Variants in SYN1 observed in about 807,000 individuals in gnomAD.
SYN1 encodes synapsin-1.
Under a neutral mutation model 44.6 loss-of-function variants are expected in SYN1, and 8 were observed. The observed-to-expected ratio is 0.18, with a 90% CI of 0.11 to 0.32. The LOEUF (loss-of-function observed/expected upper bound fraction) is 0.32, where lower values mean the gene tolerates loss of function less well. Ranked by LOEUF, SYN1 falls within the 10% of genes least tolerant of loss-of-function variation. The pLI is 1.00. For synonymous variants in SYN1, 275 were observed against 280.1 expected (o/e 0.98, Z 0.18); for missense variants, 451 against 639.4 (o/e 0.71, Z 3.18).
At chrX:47,582,558 G>A (rs772132753) in intron 5 of SYN1, 8 of 362,541 alleles carry the variant, frequency 2.2e-5, no homozygotes, top group South Asian at 2.0e-4. Context: ...GCACTCCCGT[G>A]CCAGATGCCT....
At chrX:47,577,343 A>C in intron 6 of SYN1, 96 bp downstream of exon 6, 1 of 941,964 alleles carries the variant, frequency 1.1e-6, no homozygotes, top group Non-Finnish European at 1.5e-6. Flanking sequence ...CCAACCTGAT[A>C]GATAACGACA....
chrX:47,597,922 T>A (rs920298670), intron 5 of SYN1, among the ~76,000 whole-genome samples: 6 of 112,378 alleles, frequency 5.3e-5, no homozygotes, highest in African/African-American at 1.6e-4. Context: ...ACAAGAATTC[T>A]ACATCCAGCA....
Position 47,585,624 on chromosome X carries a change from G to A in SYN1, c.775-8123C>T, listed in dbSNP as rs777619063. 18 of 1,111,562 alleles carry A rather than the reference G, an allele frequency of 1.6e-5. No individual in the cohort carries two copies. Among genetic ancestry groups the A allele is most frequent in the Non-Finnish European group, 2.1e-5 (18 of 841,654 alleles). The allele number at this position is 1,111,562 out of a possible 1,213,427, so 91.6% of individuals were successfully genotyped here. ...AACAGCCTGAGCTTAGCTCAGCGCC[G>A]GGGCTTCACCAAGACCTACACTGTT... On this transcript the variant is annotated intron_variant, in intron 5 of 12. Transcript: ENST00000295987.
chrX:47,577,296 A>G lies in SYN1; in HGVS notation c.837+143T>C. On this transcript the variant is annotated intron_variant, in intron 6 of 12. Coordinates refer to ENST00000295987, the MANE Select transcript of SYN1 (RefSeq NM_006950.3). ...TGGTGCAAAAGTAATTGTGGTTTTT[A>G]CCATAAGAACTGGCAAAACCCGCAA... is the stretch of plus-strand genomic sequence containing the variant. The G allele has an allele frequency of 5.0e-6, 3 of 605,221 alleles. No individual in the cohort carries two copies. In the South Asian group the frequency reaches 7.7e-5, roughly 16 times the overall value. 49.9% of individuals were successfully genotyped at this position (605,221 alleles called of 1,213,427 possible).
At chrX:47,610,610 G>A (rs1258308745) in intron 1 of SYN1, among the ~76,000 whole-genome samples, 1 of 110,180 alleles carries the variant, frequency 9.1e-6, no homozygotes, top group Non-Finnish European at 1.9e-5. Flanking sequence ...GGCAGGAGCT[G>A]GGAAGGTATG....
At chrX:47,576,770 A>C (rs768417720) in intron 6 of SYN1, 130 bp from the exon 7 acceptor site, 79 of 844,357 alleles carry the variant, frequency 9.4e-5, no homozygotes, top group Non-Finnish European at 1.3e-4. Context: ...TGGACATGCC[A>C]AGGCGCTCAA....
chrX:47,603,913 T>A lies in SYN1; in HGVS notation c.774+1065A>T, dbSNP rs2313095. 4.0e-3 allele frequency among the ~76,000 whole-genome samples: 397 copies of A among 99,989 alleles called. 5 individuals carry two copies. Among genetic ancestry groups the A allele is most frequent in the African/African-American group, 0.013 (362 of 27,474 alleles). 86.8% of individuals were successfully genotyped at this position (99,989 alleles called of 115,157 possible). On this transcript the variant is annotated intron_variant, in intron 5 of 12. Transcript: ENST00000295987. ...GATTATATATATATATATATTTTTT[T>A]TTTTTTTTTTTGAGATGGAGTTTCG...
At chrX:47,594,216 A>G (rs1328676364) in intron 5 of SYN1, among the ~76,000 whole-genome samples, 3 of 105,906 alleles carry the variant, frequency 2.8e-5, no homozygotes, top group Non-Finnish European at 5.8e-5. Context: ...CCTGGGCGAC[A>G]GAGTCACGGA....
chrX:47,587,818 T>C (rs1050451984), intron 5 of SYN1, among the ~76,000 whole-genome samples: 6 of 111,674 alleles, frequency 5.4e-5, no homozygotes, highest in African/African-American at 2.0e-4. Flanking sequence ...CCTTGGGAAC[T>C]AGAATTTCAG....
chrX:47,587,098 C>T (rs1261020644), intron 5 of SYN1, among the ~76,000 whole-genome samples: 1 of 112,736 alleles, frequency 8.9e-6, no homozygotes, highest in African/African-American at 3.2e-5. Context: ...TAAATTATCC[C>T]ACAGCTGACA....
At chrX:47,581,389 C>T (rs1002347720) in intron 5 of SYN1, among the ~76,000 whole-genome samples, 2 of 112,163 alleles carry the variant, frequency 1.8e-5, no homozygotes, top group African/African-American at 6.5e-5. Flanking sequence ...GATTGCCCCA[C>T]CCCACCCCCC....
chrX:47,606,600 G>A (rs1225870226), intron 3 of SYN1, among the ~76,000 whole-genome samples: 1 of 108,393 alleles, frequency 9.2e-6, no homozygotes, highest in Admixed American at 9.9e-5. Context: ...ATGGTGGTGC[G>A]CACCTGTAGT....
At chrX:47,577,200 T>C (rs1279938117) in intron 6 of SYN1, among the ~76,000 whole-genome samples, 1 of 110,579 alleles carries the variant, frequency 9.0e-6, no homozygotes, top group African/African-American at 3.3e-5. Context: ...ACACACAAAA[T>C]TGGCTGAATG....
intron 5 of SYN1, chrX:47,584,922 C>T: frequency 8.3e-7 from 1 of 1,203,189 alleles, no homozygotes; most frequent in Non-Finnish European, 1.1e-6. Flanking sequence ...TCATATTTCC[C>T]TCCTCTCCTG....
rs1047357007 is a variant in SYN1, at chrX:47,595,376, C to G, written c.774+9602G>C. 3.6e-5 allele frequency among the ~76,000 whole-genome samples: 4 copies of G among 112,082 alleles called. No individual in the cohort carries two copies. In the Admixed American group the frequency reaches 3.8e-4, roughly 11 times the overall value. ...TTGGTCAGAAGCACAGGTAAAATAA[C>G]CTGGGGCTTGCCATCAGCATTAGAA... On this transcript the variant is annotated intron_variant, in intron 5 of 12. Transcript: ENST00000295987.
intron 5 of SYN1, among the ~76,000 whole-genome samples, chrX:47,592,636 G>T (rs1045999903): frequency 9.0e-6 from 1 of 111,099 alleles, no homozygotes; most frequent in Non-Finnish European, 1.9e-5. Flanking sequence ...CATTCTACCC[G>T]AGAACAAGGA....
At chrX:47,591,682 C>T (rs1452527999) in intron 5 of SYN1, among the ~76,000 whole-genome samples, 4 of 105,594 alleles carry the variant, frequency 3.8e-5, no homozygotes, top group Non-Finnish European at 7.8e-5. Context: ...GATCGCGCCA[C>T]TGCACTCCAG....
At chrX:47,613,608 A>G (rs1043062021) in intron 1 of SYN1, among the ~76,000 whole-genome samples, 2 of 111,861 alleles carry the variant, frequency 1.8e-5, no homozygotes, top group Admixed American at 9.5e-5. Context: ...CGTTTGATCC[A>G]CCAGCACGAG....
intron 5 of SYN1, among the ~76,000 whole-genome samples, chrX:47,595,314 C>A (rs1403786117): frequency 3.6e-5 from 4 of 112,049 alleles, no homozygotes; most frequent in Admixed American, 9.5e-5. Context: ...ACTAATTGAA[C>A]CTGAGGAAGG....
Sources: gnomAD v4.1 joint callset for allele counts (sites outside exome capture counted in the v4.1 genomes callset) on GRCh38, gnomAD v4.1.1 for gene constraint, MANE v1.5 for transcripts, NCBI Gene and HGNC (gene_info 2026-07-23, HGNC 2026-07-21) for gene names.